Variants in LRRFIP1 observed in about 807,000 individuals in gnomAD.
LRRFIP1 encodes the protein LRR binding FLII interacting protein 1.
A neutral mutation model predicts 104.4 loss-of-function variants in LRRFIP1; 62 were observed. The ratio of observed to expected loss-of-function variants is 0.59; its 90% CI spans 0.48 to 0.73. The LOEUF is 0.73. Ranked by LOEUF, LRRFIP1 falls within the 30% of genes least tolerant of loss-of-function variation. LRRFIP1 has a pLI of 0.00. For synonymous variants in LRRFIP1, 300 were observed against 299.0 expected (o/e 1.00, Z -0.03); for missense variants, 796 against 824.5 (o/e 0.97, Z 0.42).
intron 1 of LRRFIP1, among the ~76,000 whole-genome samples, chr2:237,650,456 C>T (rs1160639396): frequency 6.7e-6 from 1 of 149,034 alleles, no homozygotes; most frequent in East Asian, 1.9e-4. Flanking sequence ...GCTGCTCTGG[C>T]CTGTGTTAAG....
chr2:237,758,693 ATCT>A lies in LRRFIP1; in HGVS notation c.1225-28_1225-26del, dbSNP rs752106128. On this transcript the variant is annotated intron_variant, in intron 17 of 23. Coordinates refer to ENST00000308482, the MANE Select transcript of LRRFIP1 (RefSeq NM_001137550.2). ...TGAAGTAACTTGCTCATCTGTGCAA[ATCT>A]TCTTCTTTCTCTTGGCTCTGCTGCA... 228 of 1,495,388 alleles carry A rather than the reference ATCT, an allele frequency of 1.5e-4. 3 individuals carry two copies. The highest frequency in any genetic ancestry group is 5.9e-4 in the Admixed American group (33 of 55,466). The allele number at this position is 1,495,388 out of a possible 1,614,324, so 92.6% of individuals were successfully genotyped here. A position where few individuals can be genotyped will look rare whatever the true frequency, so the allele number is the denominator to read the frequency against.
chr2:237,633,202 C>T (rs962319290), intron 1 of LRRFIP1, among the ~76,000 whole-genome samples: 3 of 152,206 alleles, frequency 2.0e-5, no homozygotes, highest in East Asian at 1.9e-4. Flanking sequence ...AGCCAAACAC[C>T]CATCTTGGCA....
At chr2:237,662,846 CACCAGCGCTATGTCA>C (rs1431111384) in intron 1 of LRRFIP1, among the ~76,000 whole-genome samples, 1 of 152,142 alleles carries the variant, frequency 6.6e-6, no homozygotes, top group Non-Finnish European at 1.5e-5. Context: ...CAGACACGCC[CACCAGCGCTATGTCA>C]ATTTACCGTT....
At chr2:237,665,301 ATTAC>A (rs149177079) in intron 1 of LRRFIP1, among the ~76,000 whole-genome samples, 4,091 of 152,270 alleles carry the variant, frequency 0.027, 177 homozygotes, top group African/African-American at 0.087. Context: ...ATGTTTTTGT[ATTAC>A]TTATTGAAAT....
intron 17 of LRRFIP1, 49 bp from the exon 18 acceptor site, chr2:237,758,680 C>A (rs759876122): frequency 1.5e-6 from 2 of 1,328,876 alleles, no homozygotes; most frequent in Middle Eastern, 1.8e-4. Context: ...AAGTAACTTG[C>A]TCATCTGTGC....
chr2:237,760,008 G>C (rs1326709023), intron 18 of LRRFIP1, 56 bp from the exon 19 acceptor site: 37 of 1,522,418 alleles, frequency 2.4e-5, no homozygotes, highest in Non-Finnish European at 3.4e-5. Context: ...TATTAAAACA[G>C]AGTTTAACCT....
chr2:237,721,080 A>T (rs1007015189), intron 6 of LRRFIP1: 1 of 426,646 alleles, frequency 2.3e-6, no homozygotes, highest in African/African-American at 2.0e-5. Flanking sequence ...ACTTATCCAC[A>T]TCACAAAGCT....
intron 7 of LRRFIP1, among the ~76,000 whole-genome samples, chr2:237,723,958 G>C (rs116435446): frequency 0.013 from 1,915 of 152,024 alleles, 22 homozygotes; most frequent in African/African-American, 0.042. Flanking sequence ...CTCTACATTT[G>C]CTTTAAAAGA....
intron 7 of LRRFIP1, 58 bp downstream of exon 7, chr2:237,723,644 A>G: frequency 1.3e-6 from 2 of 1,593,864 alleles, no homozygotes; most frequent in Non-Finnish European, 1.7e-6. Flanking sequence ...TGACCATAAT[A>G]ACCTGTGGTA....
intron 1 of LRRFIP1, among the ~76,000 whole-genome samples, chr2:237,700,031 G>A (rs1469816161): frequency 2.0e-5 from 3 of 152,212 alleles, no homozygotes; most frequent in South Asian, 2.1e-4. Flanking sequence ...ACACGGAACC[G>A]AGGTGAGCCT....
At chr2:237,734,679 A>T (rs1267630616) in intron 9 of LRRFIP1, among the ~76,000 whole-genome samples, 7 of 152,224 alleles carry the variant, frequency 4.6e-5, no homozygotes, top group Non-Finnish European at 7.3e-5. Flanking sequence ...GAAAATAGGG[A>T]AATTAAAGTT....
At chr2:237,751,662 C>G (rs1049087588) in intron 14 of LRRFIP1, among the ~76,000 whole-genome samples, 2 of 152,266 alleles carry the variant, frequency 1.3e-5, no homozygotes, top group Admixed American at 6.5e-5. Flanking sequence ...TGATTTGCTT[C>G]TCAAAATATC....
At position 237,632,113 on chromosome 2, in the gene LRRFIP1, G is replaced by GTGGAGAAGGGT. The variant is rs1333168660; in HGVS notation, c.96+4373_96+4374insTGGAGAAGGGT. 1.5e-3 allele frequency among the ~76,000 whole-genome samples: 190 copies of GTGGAGAAGGGT among 128,884 alleles called. 8 individuals are homozygous for GTGGAGAAGGGT. Among genetic ancestry groups the GTGGAGAAGGGT allele is most frequent in the Middle Eastern group, 4.1e-3 (1 of 246 alleles). The allele number at this position is 128,884 out of a possible 152,430, so 84.6% of individuals were successfully genotyped here. A position where few individuals can be genotyped will look rare whatever the true frequency, so the allele number is the denominator to read the frequency against. On this transcript the variant is annotated intron_variant, in intron 1 of 23. Transcript: ENST00000308482. Reference sequence around the variant, plus strand: ...GCCACGGCCACACAGGAGTCCAGTTGCGGAGAAGGGGTCGCACTGCCCCCA... The same window carrying GTGGAGAAGGGT: ...GCCACGGCCACACAGGAGTCCAGTTGTGGAGAAGGGTCGGAGAAGGGGTCGCACTGCCCCCA...
chr2:237,739,269 G>C lies in LRRFIP1; in HGVS notation c.593G>C (p.Arg198Pro), dbSNP rs553023312. ...EYSGHLNSSS[R>P]ASSRASSARA... Reference sequence around the variant, plus strand: ...AGCGGCCACCTCAACTCCAGCTCCCGCGCCTCCTCCAGGGCCAGCTCGGCC... The same window carrying C: ...AGCGGCCACCTCAACTCCAGCTCCCCCGCCTCCTCCAGGGCCAGCTCGGCC... The change falls in exon 11 of 24, where the codon CGC becomes CCC. Residue 198 changes from arginine (R) to proline (P), a missense_variant. Coordinates refer to ENST00000308482, the MANE Select transcript of LRRFIP1 (RefSeq NM_001137550.2). 2.4e-5 allele frequency: 38 copies of C among 1,565,362 alleles called. No individual in the cohort carries two copies. The highest frequency in any genetic ancestry group is 3.1e-5 in the Non-Finnish European group (36 of 1,155,426).
At chr2:237,699,147 G>A (rs1421399603) in intron 1 of LRRFIP1, among the ~76,000 whole-genome samples, 2 of 152,128 alleles carry the variant, frequency 1.3e-5, no homozygotes, top group African/African-American at 2.4e-5. Context: ...TGTCTATGAC[G>A]TGACATTCTA....
intron 8 of LRRFIP1, chr2:237,729,854 T>C (rs869435): frequency 0.14 from 140,550 of 982,020 alleles, 10,654 homozygotes; most frequent in East Asian, 0.27. Context: ...TTGGTTTCCA[T>C]TTAAATCTTT....
chr2:237,730,344 C>A (rs796851499), intron 8 of LRRFIP1, among the ~76,000 whole-genome samples: 1 of 152,184 alleles, frequency 6.6e-6, no homozygotes, highest in Non-Finnish European at 1.5e-5. Context: ...TCTTGATAAA[C>A]ATAATTTCTA....
At position 237,780,367 on chromosome 2, in the gene LRRFIP1, A is replaced by T. The variant is rs2061406636; in HGVS notation, c.*835A>T. Reference sequence around the variant, plus strand: ...TGAGAAAGAAGATCTTTAATTTCATATTAATGGTTCTGTATATTTTGGGTC... The same window carrying T: ...TGAGAAAGAAGATCTTTAATTTCATTTTAATGGTTCTGTATATTTTGGGTC... On this transcript the variant is annotated 3_prime_UTR_variant, in exon 24 of 24. Transcript: ENST00000308482. 1.3e-5 allele frequency: 2 copies of T among 152,194 alleles called. No individual in the cohort carries two copies. The highest frequency in any genetic ancestry group is 1.3e-4 in the Admixed American group (2 of 15,274). The allele number at this position is 152,194 out of a possible 1,614,324, so 9.4% of individuals were successfully genotyped here.
intron 1 of LRRFIP1, among the ~76,000 whole-genome samples, chr2:237,685,839 C>T (rs55875911): frequency 5.9e-4 from 90 of 152,348 alleles, no homozygotes; most frequent in Non-Finnish European, 1.1e-3. Flanking sequence ...TCCTTGGTCC[C>T]GCCTTCCTTC....
Sources: gnomAD v4.1 joint callset for allele counts (sites outside exome capture counted in the v4.1 genomes callset) on GRCh38, gnomAD v4.1.1 for gene constraint, MANE v1.5 for transcripts, NCBI Gene and HGNC (gene_info 2026-07-23, HGNC 2026-07-21) for gene names.